Variants in TPP2 observed in about 807,000 individuals in gnomAD.
TPP2 encodes the protein tripeptidyl-peptidase 2.
Under a neutral mutation model 155.9 loss-of-function variants are expected in TPP2, and 34 were observed. The ratio of observed to expected loss-of-function variants is 0.22; its 90% CI spans 0.17 to 0.29. The LOEUF is 0.29. Ranked by LOEUF, TPP2 falls within the 10% of genes least tolerant of loss-of-function variation. TPP2 has a pLI of 1.00. For missense variants in TPP2, 1,028 were observed against 1,522.3 expected (o/e 0.68, Z 5.40); for synonymous variants, 510 against 529.4 (o/e 0.96, Z 0.50).
At position 102,636,118 on chromosome 13, in the gene TPP2, CACTA is replaced by C. The variant is rs1286447113; in HGVS notation, c.1510-102_1510-99del. On this transcript the variant is annotated intron_variant, in intron 12 of 29. Coordinates refer to ENST00000376052, the MANE Select transcript of TPP2 (RefSeq NM_001330588.2). ...GGTAGTTTTGAGAGGTGAATATAGA[CACTA>C]ACTTTTTGTTTTACAACTGAAATCA... 12 of 1,141,216 alleles carry C rather than the reference CACTA, an allele frequency of 1.1e-5. No individual in the cohort carries two copies. In the African/African-American group the frequency reaches 1.3e-4, roughly 12 times the overall value. 70.7% of individuals were successfully genotyped at this position (1,141,216 alleles called of 1,614,324 possible).
chr13:102,627,414 C>A (rs1000240406), intron 7 of TPP2, among the ~76,000 whole-genome samples: 1 of 152,178 alleles, frequency 6.6e-6, no homozygotes, highest in African/African-American at 2.4e-5. Flanking sequence ...AATCTCCTAA[C>A]AAGCAATTTT....
intron 5 of TPP2, 21 bp downstream of exon 5, chr13:102,618,867 A>T: frequency 1.3e-6 from 2 of 1,585,336 alleles, no homozygotes; most frequent in Non-Finnish European, 1.7e-6. Context: ...TGTATTTTAT[A>T]CATCTTCATT....
At chr13:102,636,155 T>C (rs896790200) in intron 12 of TPP2, 69 bp from the exon 13 acceptor site, 2 of 1,438,456 alleles carry the variant, frequency 1.4e-6, no homozygotes, top group Non-Finnish European at 1.9e-6. Flanking sequence ...TCAAATTGAT[T>C]GGTAATTTGC....
chr13:102,634,215 T>G (rs1882215944), intron 11 of TPP2, 117 bp downstream of exon 11: 42 of 1,359,518 alleles, frequency 3.1e-5, no homozygotes, highest in Non-Finnish European at 4.2e-5. Context: ...AAGTAGAGTT[T>G]AAGGTAACGA....
At chr13:102,676,541 T>C (rs1290165149) in intron 29 of TPP2, 126 bp downstream of exon 29, 35 of 1,144,476 alleles carry the variant, frequency 3.1e-5, no homozygotes, top group Non-Finnish European at 3.7e-5. Flanking sequence ...ATTACAGTAA[T>C]TAGCGTAATA....
Position 102,663,759 on chromosome 13 carries a change from T to C in TPP2, c.3240+15T>C. On this transcript the variant is annotated intron_variant, in intron 26 of 29. Coordinates refer to ENST00000376052, the MANE Select transcript of TPP2 (RefSeq NM_001330588.2). The stretch of plus-strand genomic sequence containing the variant: ...ATGCTGAAAAGGTTAGACATGTTCA[T>C]TCTGATATATCTTATTTTGTTTGTA... 6.4e-7 allele frequency: 1 copy of C among 1,558,972 alleles called. No homozygotes were observed. The highest frequency in any genetic ancestry group is 8.7e-7 in the Non-Finnish European group (1 of 1,151,780).
chr13:102,662,394 G>T (rs1307900275), intron 25 of TPP2, among the ~76,000 whole-genome samples: 3 of 152,134 alleles, frequency 2.0e-5, no homozygotes, highest in Non-Finnish European at 4.4e-5. Context: ...CTTAAAATGG[G>T]AAAATTGTAT....
intron 2 of TPP2, among the ~76,000 whole-genome samples, chr13:102,613,034 G>A (rs542307468): frequency 1.3e-5 from 2 of 152,300 alleles, no homozygotes; most frequent in East Asian, 3.9e-4. Context: ...GCCGTGGGCT[G>A]TTGCAAAAAC....
At chr13:102,677,749 A>G (rs1276576808) in intron 29 of TPP2, among the ~76,000 whole-genome samples, 12 of 152,228 alleles carry the variant, frequency 7.9e-5, no homozygotes, top group Admixed American at 7.9e-4. Context: ...ATTGTGTCAA[A>G]TATTATTTCT....
At chr13:102,670,090 G>T (rs1353481805) in intron 27 of TPP2, among the ~76,000 whole-genome samples, 8 of 152,084 alleles carry the variant, frequency 5.3e-5, no homozygotes, top group African/African-American at 7.2e-5. Flanking sequence ...TGAGGGAATT[G>T]TGCAGTCTCC....
chr13:102,626,088 C>T (rs1282965554), intron 6 of TPP2, among the ~76,000 whole-genome samples: 1 of 152,168 alleles, frequency 6.6e-6, no homozygotes. Context: ...CATAATGAAA[C>T]TCCCATCATG....
intron 26 of TPP2, among the ~76,000 whole-genome samples, chr13:102,664,193 T>C (rs889758494): frequency 6.6e-6 from 1 of 152,216 alleles, no homozygotes; most frequent in Admixed American, 6.5e-5. Flanking sequence ...GAAAGTGCTG[T>C]CCTAATCAGT....
rs2139390365 is a variant in TPP2, at chr13:102,597,065, C to T, written c.27C>T (p.Pro9=). 6.2e-7 allele frequency: 1 copy of T among 1,612,032 alleles called. No homozygotes were observed. The highest frequency in any genetic ancestry group is 8.5e-7 in the Non-Finnish European group (1 of 1,179,548). Residue 9 remains proline, a synonymous_variant, in exon 1 of 30, where the codon CCC becomes CCT. Transcript: ENST00000376052. ...TGGCCACCGCTGCGACTGAGGAGCC[C>T]TTCCCTTTTCACGGTCTCCTGCCGA... MATAATEE[P]FPFHGLLPKK...
chr13:102,666,176 A>G (rs767346263), intron 27 of TPP2, among the ~76,000 whole-genome samples: 4 of 152,206 alleles, frequency 2.6e-5, no homozygotes, highest in Non-Finnish European at 4.4e-5. Context: ...TCCCCCTTTT[A>G]AGGAAGAGAA....
At chr13:102,633,898 T>C (rs1882192414) in intron 10 of TPP2, 52 bp from the exon 11 acceptor site, 4 of 1,609,082 alleles carry the variant, frequency 2.5e-6, no homozygotes, top group African/African-American at 1.3e-5. Flanking sequence ...AAAATGCCCA[T>C]GTATGTTTAG....
At chr13:102,667,639 G>A (rs1884694306) in intron 27 of TPP2, 2 of 575,962 alleles carry the variant, frequency 3.5e-6, no homozygotes, top group Non-Finnish European at 4.4e-6. Flanking sequence ...GGAGAGGAAA[G>A]GAATACTCCA....
At chr13:102,618,280 T>G (rs1172036996) in intron 4 of TPP2, among the ~76,000 whole-genome samples, 1 of 152,252 alleles carries the variant, frequency 6.6e-6, no homozygotes, top group Non-Finnish European at 1.5e-5. Flanking sequence ...GTTTTATTAT[T>G]TATTTGGATT....
At chr13:102,647,491 CTGTT>C in intron 21 of TPP2, 147 bp downstream of exon 21, 1 of 988,642 alleles carries the variant, frequency 1.0e-6, no homozygotes, top group Non-Finnish European at 1.4e-6. Context: ...CTGTGAGAGC[CTGTT>C]TGTTGTAGTC....
chr13:102,634,306 A>G (rs1882225101), intron 11 of TPP2, among the ~76,000 whole-genome samples: 1 of 152,218 alleles, frequency 6.6e-6, no homozygotes, highest in Non-Finnish European at 1.5e-5. Context: ...AACGACTGTC[A>G]AGCAGTATTT....
Sources: gnomAD v4.1 joint callset for allele counts (sites outside exome capture counted in the v4.1 genomes callset) on GRCh38, gnomAD v4.1.1 for gene constraint, MANE v1.5 for transcripts, NCBI Gene and HGNC (gene_info 2026-07-23, HGNC 2026-07-21) for gene names.